NOVA1: variants seen among roughly 807,000 people sequenced by gnomAD.
NOVA1 encodes the protein NOVA alternative splicing regulator 1, also known as RNA-binding protein Nova-1.
A neutral mutation model predicts 38.0 loss-of-function variants in NOVA1; 7 were observed. The ratio of observed to expected loss-of-function variants is 0.18; its 90% CI spans 0.10 to 0.35. The LOEUF (loss-of-function observed/expected upper bound fraction) is 0.35, where lower values mean the gene tolerates loss of function less well. Among genes scored for constraint, NOVA1 ranks in the 10% least tolerant of loss-of-function variants. The pLI is 1.00. For missense variants in NOVA1, 460 were observed against 616.0 expected (o/e 0.75, Z 2.68); for synonymous variants, 270 against 232.5 (o/e 1.16, Z -1.47).
At chr14:26,527,035 G>C (rs1889350712) in intron 2 of NOVA1, among the ~76,000 whole-genome samples, 1 of 152,158 alleles carries the variant, frequency 6.6e-6, no homozygotes, top group South Asian at 2.1e-4. Context: ...AATCACCTAA[G>C]GTAAAGTCCA....
intron 4 of NOVA1, chr14:26,471,820 GT>G (rs1337373778): frequency 6.5e-6 from 1 of 154,212 alleles, no homozygotes; most frequent in African/African-American, 2.4e-5. Flanking sequence ...CCAATTTTCA[GT>G]TTCTTTTAGA....
chr14:26,547,002 A>G (rs1360755192), intron 2 of NOVA1, among the ~76,000 whole-genome samples: 1 of 152,192 alleles, frequency 6.6e-6, no homozygotes, highest in Admixed American at 6.5e-5. Flanking sequence ...CTGGGGATAC[A>G]GCGAGACTCC....
chr14:26,456,379 G>A (rs990818289), intron 4 of NOVA1, among the ~76,000 whole-genome samples: 17 of 151,846 alleles, frequency 1.1e-4, no homozygotes, highest in African/African-American at 4.1e-4. Flanking sequence ...TGGAGGCCAG[G>A]GGAAACGTGG....
chr14:26,554,193 A>AAGGGAGGG (rs550262377), intron 2 of NOVA1, among the ~76,000 whole-genome samples: 7 of 137,954 alleles, frequency 5.1e-5, no homozygotes, highest in Admixed American at 1.4e-4. Flanking sequence ...AGAAGGAAGG[A>AAGGGAGGG]AGGGAGGGAG....
chr14:26,542,385 T>C (rs182339911), intron 2 of NOVA1, among the ~76,000 whole-genome samples: 26 of 151,954 alleles, frequency 1.7e-4, no homozygotes, highest in African/African-American at 6.0e-4. Flanking sequence ...CCTGACTACA[T>C]GTATTAAATA....
chr14:26,468,005 G>A (rs1884278800), intron 4 of NOVA1, among the ~76,000 whole-genome samples: 1 of 152,160 alleles, frequency 6.6e-6, no homozygotes, highest in African/African-American at 2.4e-5. Flanking sequence ...TGGGACACAT[G>A]ACTTACTTCT....
Position 26,574,274 on chromosome 14 carries a change from C to A in NOVA1, c.280+21136G>T, listed in dbSNP as rs1191993045. Among the ~76,000 whole-genome samples the A allele has an allele frequency of 1.6e-3, 153 of 96,312 alleles. 10 individuals are homozygous for A. The highest frequency in any genetic ancestry group is 2.6e-3 in the Non-Finnish European group (122 of 47,330). 63.2% of individuals were successfully genotyped at this position (96,312 alleles called of 152,430 possible). A position where few individuals can be genotyped will look rare whatever the true frequency, so the allele number is the denominator to read the frequency against. On this transcript the variant is annotated intron_variant, in intron 2 of 4. Coordinates refer to ENST00000539517, the MANE Select transcript of NOVA1 (RefSeq NM_002515.3). Reference sequence around the variant, plus strand: ...CTCCTGACCTCGTGATCCACCCCCCCCCCCCCGCCCCCTCGGCCTCCCAAA... The same window carrying A: ...CTCCTGACCTCGTGATCCACCCCCCACCCCCCGCCCCCTCGGCCTCCCAAA...
At chr14:26,542,284 G>A (rs988390666) in intron 2 of NOVA1, among the ~76,000 whole-genome samples, 2 of 151,836 alleles carry the variant, frequency 1.3e-5, no homozygotes, top group South Asian at 2.1e-4. Context: ...AACTTTCCAG[G>A]AAAAAGAATT....
chr14:26,489,896 T>C (rs1260225121), intron 2 of NOVA1, among the ~76,000 whole-genome samples: 1 of 152,150 alleles, frequency 6.6e-6, no homozygotes, highest in Non-Finnish European at 1.5e-5. Context: ...TACCCATCTT[T>C]AGGTGTACAA....
At chr14:26,574,882 A>G (rs1157539249) in intron 2 of NOVA1, among the ~76,000 whole-genome samples, 1 of 151,956 alleles carries the variant, frequency 6.6e-6, no homozygotes, top group African/African-American at 2.4e-5. Flanking sequence ...GGCTGGTCTG[A>G]AACTCCTGGT....
intron 2 of NOVA1, among the ~76,000 whole-genome samples, chr14:26,491,182 T>A (rs184278209): frequency 1.6e-3 from 244 of 151,516 alleles, no homozygotes; most frequent in African/African-American, 3.6e-3. Context: ...ATTAAAAAAA[T>A]TTTTTTTGAG....
chr14:26,552,952 G>A (rs191293657), intron 2 of NOVA1, among the ~76,000 whole-genome samples: 1 of 152,232 alleles, frequency 6.6e-6, no homozygotes. Flanking sequence ...AACTTAACCT[G>A]CAGTCAGATC....
intron 3 of NOVA1, 153 bp downstream of exon 3, chr14:26,479,824 C>T (rs564060390): frequency 1.4e-6 from 1 of 708,632 alleles, no homozygotes; most frequent in African/African-American, 1.8e-5. Context: ...AAGGATGAGA[C>T]CTTGATAGTC....
intron 2 of NOVA1, among the ~76,000 whole-genome samples, chr14:26,481,065 A>G (rs1048044807): frequency 1.1e-4 from 16 of 152,220 alleles, no homozygotes; most frequent in African/African-American, 2.9e-4. Context: ...AAAATAAATT[A>G]GTTTTTCAGA....
At chr14:26,526,278 A>C (rs1889291908) in intron 2 of NOVA1, among the ~76,000 whole-genome samples, 1 of 152,180 alleles carries the variant, frequency 6.6e-6, no homozygotes, top group South Asian at 2.1e-4. Flanking sequence ...GATGACTAAC[A>C]TGGTTCTGTT....
chr14:26,573,578 C>A (rs1837963751), intron 2 of NOVA1, among the ~76,000 whole-genome samples: 1 of 151,862 alleles, frequency 6.6e-6, no homozygotes, highest in South Asian at 2.1e-4. Context: ...TAAATGATTC[C>A]TAAAAAGAAT....
intron 2 of NOVA1, among the ~76,000 whole-genome samples, chr14:26,494,290 T>A (rs572876139): frequency 1.2e-4 from 19 of 152,290 alleles, no homozygotes; most frequent in Non-Finnish European, 2.1e-4. Context: ...ATGGAGCAGG[T>A]AGGGAAGCTG....
At chr14:26,535,177 T>C (rs1889977198) in intron 2 of NOVA1, among the ~76,000 whole-genome samples, 2 of 152,302 alleles carry the variant, frequency 1.3e-5, no homozygotes, top group East Asian at 1.9e-4. Flanking sequence ...AACTAGTAAT[T>C]GCCTTAAGTG....
At chr14:26,509,237 A>G (rs910845978) in intron 2 of NOVA1, among the ~76,000 whole-genome samples, 2 of 152,162 alleles carry the variant, frequency 1.3e-5, no homozygotes, top group Non-Finnish European at 2.9e-5. Flanking sequence ...TGTGAGTTTA[A>G]TGCTAGACAA....
Sources: allele counts gnomAD v4.1 joint callset (sites outside exome capture counted in the v4.1 genomes callset), GRCh38; gene constraint gnomAD v4.1.1; transcripts MANE v1.5; gene names NCBI Gene and HGNC (gene_info 2026-07-23, HGNC 2026-07-21).